The following SH2B2 variants were observed in gnomAD, a reference collection of about 807,000 sequenced individuals.
SH2B2 encodes the protein SH2B adaptor protein 2, also known as SH2B adapter protein 2.
Under a neutral mutation model 35.7 loss-of-function variants are expected in SH2B2, and 37 were observed. That is an observed-to-expected ratio of 1.04 (90% CI 0.80 to 1.36). The LOEUF is 1.36. Ranked by LOEUF, SH2B2 falls within the 40% of genes most tolerant of loss-of-function variation. The probability of loss-of-function intolerance (pLI) is 0.00; values close to 1 mark genes in which losing one functional copy is unlikely to be tolerated. For synonymous variants in SH2B2, 383 were observed against 376.4 expected, an observed-to-expected ratio of 1.02 and a Z score of -0.20; for missense variants, 852 against 817.7, an observed-to-expected ratio of 1.04 and a Z score of -0.51.
intron 1 of SH2B2, among the ~76,000 whole-genome samples, chr7:102,287,705 C>G (rs1354440258): frequency 2.6e-5 from 4 of 152,176 alleles, no homozygotes; most frequent in Non-Finnish European, 5.9e-5. Flanking sequence ...GCCCTCCATT[C>G]AGGCCCTTGG....
At chr7:102,311,257 A>ATT (rs782006002) in intron 4 of SH2B2, among the ~76,000 whole-genome samples, 7 of 140,860 alleles carry the variant, frequency 5.0e-5, no homozygotes, top group Non-Finnish European at 1.1e-4. Flanking sequence ...GACTGGCTTA[A>ATT]TTTTTTTTTT....
upstream of SH2B2, chr7:102,285,162 G>A: frequency 6.5e-7 from 1 of 1,550,226 alleles, no homozygotes; most frequent in Admixed American, 2.0e-5. Context: ...CCTGGGGATG[G>A]ATCCAAGCTA....
Position 102,300,619 on chromosome 7 carries a change from G to C in SH2B2, c.69G>C (p.Trp23Cys), listed in dbSNP as rs995741309. The change falls in exon 2 of 9, where the codon TGG becomes TGC. Residue 23 changes from tryptophan to cysteine, a missense_variant. Physicochemically the swap from Trp to Cys is radical, Grantham distance 215. Coordinates refer to ENST00000444095, the MANE Select transcript of SH2B2 (RefSeq NM_001359228.2). ...CAGTCCCGGTCCCGGTCCCGGACTGGCGGCAGTTCTGCGAGCTGCATGCGC... is the reference window on the plus strand; with the variant it reads ...CAGTCCCGGTCCCGGTCCCGGACTGCCGGCAGTTCTGCGAGCTGCATGCGC... Reference protein sequence around the residue: ...PVPVPVPVPDWRQFCELHAQA... With the variant: ...PVPVPVPVPDCRQFCELHAQA... 2 of 1,551,054 alleles carry C rather than the reference G, an allele frequency of 1.3e-6. No individual in the cohort carries two copies. Among genetic ancestry groups the C allele is most frequent in the Non-Finnish European group, 1.7e-6 (2 of 1,146,328 alleles).
intron 4 of SH2B2, among the ~76,000 whole-genome samples, chr7:102,313,892 C>CAGAGTG (rs1283317949): frequency 1.3e-5 from 2 of 150,480 alleles, no homozygotes; most frequent in African/African-American, 4.9e-5. Context: ...GCCCTGGCAA[C>CAGAGTG]AGAGTGAGAC....
intron 1 of SH2B2, among the ~76,000 whole-genome samples, chr7:102,290,083 GC>G (rs374433847): frequency 1.2e-5 from 1 of 86,134 alleles, no homozygotes; most frequent in Non-Finnish European, 2.5e-5. Flanking sequence ...GGATTCCCCC[GC>G]CCCCCCACCC....
chr7:102,306,038 C>T (rs1793383595), intron 2 of SH2B2, among the ~76,000 whole-genome samples: 1 of 151,858 alleles, frequency 6.6e-6, no homozygotes, highest in South Asian at 2.1e-4. Flanking sequence ...GCTGGAACTA[C>T]AGGCACTCAT....
At chr7:102,294,331 A>G (rs1158377207) in intron 1 of SH2B2, among the ~76,000 whole-genome samples, 1 of 152,164 alleles carries the variant, frequency 6.6e-6, no homozygotes, top group Non-Finnish European at 1.5e-5. Context: ...TCCAGCCAGA[A>G]GAGAGGGTTT....
chr7:102,305,642 T>G (rs1417043025), intron 2 of SH2B2, among the ~76,000 whole-genome samples: 1 of 152,198 alleles, frequency 6.6e-6, no homozygotes, highest in Non-Finnish European at 1.5e-5. Flanking sequence ...GTAACTATTG[T>G]CTGGTGAGAT....
rs1554553710 is a variant in SH2B2 at position 102,301,066 on chromosome 7, C to G, written c.516C>G (p.Arg172=). ...AAAAPRTAEP[R]DKWTRRLRLS... ...CTGCCCCGCGCACCGCCGAGCCCCG[C>G]GACAAGTGGACGCGGCGCCTGAGGC... is the stretch of plus-strand genomic sequence containing the variant. Residue 172 remains arginine, a synonymous_variant, in exon 2 of 9, where the codon CGC becomes CGG. Coordinates refer to ENST00000444095, the MANE Select transcript of SH2B2 (RefSeq NM_001359228.2). 5.8e-6 allele frequency: 8 copies of G among 1,384,492 alleles called. No individual in the cohort carries two copies. The highest frequency in any genetic ancestry group is 3.7e-5 in the Admixed American group (1 of 26,870). 85.8% of individuals were successfully genotyped at this position (1,384,492 alleles called of 1,614,324 possible).
intron 4 of SH2B2, among the ~76,000 whole-genome samples, chr7:102,310,016 T>A (rs1793556427): frequency 6.6e-6 from 1 of 151,906 alleles, no homozygotes; most frequent in Admixed American, 6.6e-5. Flanking sequence ...TAAAAAATAA[T>A]AATAAAAATT....
chr7:102,315,609 T>G (rs532824298), intron 6 of SH2B2, among the ~76,000 whole-genome samples: 1 of 151,254 alleles, frequency 6.6e-6, no homozygotes, highest in Non-Finnish European at 1.5e-5. Flanking sequence ...CCACAAACAT[T>G]TTTGTGCCTG....
intron 1 of SH2B2, among the ~76,000 whole-genome samples, chr7:102,296,893 C>T (rs781967172): frequency 7.9e-5 from 12 of 151,986 alleles, no homozygotes; most frequent in African/African-American, 2.4e-4. Flanking sequence ...GCGGGAGGAT[C>T]GCTTGAGCCC....
upstream of SH2B2, among the ~76,000 whole-genome samples, chr7:102,286,039 G>A (rs541290484): frequency 2.0e-4 from 30 of 152,350 alleles, no homozygotes; most frequent in African/African-American, 6.7e-4. Flanking sequence ...AGCCCAGCGG[G>A]ACTGTTTCCT....
chr7:102,301,020 C>CGCCCGA lies in SH2B2; in HGVS notation c.477_482dup (p.Glu159_Pro160dup), dbSNP rs1793155079. ...CGCGACATGTGGCACCGGCGCGCCT[C>CGCCCGA]GCCCGAGCCCGACGCGGCAGCTGCC... On this transcript the variant is annotated inframe_insertion, in exon 2 of 9. Transcript: ENST00000444095. The CGCCCGA allele has an allele frequency of 7.2e-7, 1 of 1,391,364 alleles. No homozygotes were observed. Among genetic ancestry groups the CGCCCGA allele is most frequent in the Non-Finnish European group, 9.3e-7 (1 of 1,075,080 alleles). The allele number at this position is 1,391,364 out of a possible 1,614,324, so 86.2% of individuals were successfully genotyped here.
chr7:102,307,991 G>A (rs913665351), intron 3 of SH2B2, among the ~76,000 whole-genome samples: 4 of 152,042 alleles, frequency 2.6e-5, no homozygotes, highest in African/African-American at 4.8e-5. Flanking sequence ...GGCTGGTCTC[G>A]AACTCCTGAG....
chr7:102,296,437 C>A (rs1355269531), intron 1 of SH2B2, among the ~76,000 whole-genome samples: 1 of 152,176 alleles, frequency 6.6e-6, no homozygotes, highest in Non-Finnish European at 1.5e-5. Flanking sequence ...CAACACTAAG[C>A]CGGCTCCTTA....
In SH2B2 at chr7:102,308,804, T is replaced by A. The variant is rs527875597; in HGVS notation, c.832-11T>A. On this transcript the variant is annotated splice_polypyrimidine_tract_variant and intron_variant, in intron 3 of 8. Coordinates refer to ENST00000444095, the MANE Select transcript of SH2B2 (RefSeq NM_001359228.2). ...ACCGTGTTCTGCACTCCCGGCCACC[T>A]TCCTCCCCAGGTAGAGAATGGAGCC... is the stretch of plus-strand genomic sequence containing the variant. The A allele has an allele frequency of 6.2e-7, 1 of 1,611,908 alleles. No individual in the cohort carries two copies. Among genetic ancestry groups the A allele is most frequent in the Non-Finnish European group, 8.5e-7 (1 of 1,178,254 alleles).
chr7:102,321,529 G>A lies in SH2B2; in HGVS notation c.1798G>A (p.Glu600Lys). 1.7e-6 allele frequency: 2 copies of A among 1,144,666 alleles called. No individual in the cohort carries two copies. The highest frequency in any genetic ancestry group is 1.1e-6 in the Non-Finnish European group (1 of 932,920). 70.9% of individuals were successfully genotyped at this position (1,144,666 alleles called of 1,614,324 possible). A position where few individuals can be genotyped will look rare whatever the true frequency, so the allele number is the denominator to read the frequency against. ...CGCGCGGAGCCGCAGCAACAGCGCC[G>A]AGCGCCTGCTGGAGGCCGTGGCCGC... is the stretch of plus-strand genomic sequence containing the variant. Reference protein sequence around the residue: ...LSARSRSNSAERLLEAVAATA... With the variant: ...LSARSRSNSAKRLLEAVAATA... Residue 600 changes from glutamate to lysine, a missense_variant, in exon 9 of 9, where the codon GAG (glutamate) becomes AAG (lysine). Around this residue, in one of 3 missense-constraint regions of SH2B2, gnomAD observed 556 missense variants for 514.5 expected, o/e 1.08. Coordinates refer to ENST00000444095, the MANE Select transcript of SH2B2 (RefSeq NM_001359228.2).
intron 4 of SH2B2, chr7:102,309,356 T>C (rs71559454): frequency 1.8e-5 from 1 of 57,026 alleles, no homozygotes; most frequent in Non-Finnish European, 3.7e-5. Flanking sequence ...TCTCTCTCTC[T>C]TTTTTTTTTT....
Sources: gnomAD v4.1 joint callset for allele counts (sites outside exome capture counted in the v4.1 genomes callset) on GRCh38, gnomAD v4.1.1 for gene constraint, gnomAD v4.1.1 regional missense constraint, MANE v1.5 for transcripts, NCBI Gene and HGNC (gene_info 2026-07-23, HGNC 2026-07-21) for gene names.